Variants in MYH7B observed in about 807,000 individuals in gnomAD.
MYH7B encodes the protein myosin heavy chain 7B, also known as myosin-7B.
Under a neutral mutation model 234.5 loss-of-function variants are expected in MYH7B, and 205 were observed. The observed-to-expected ratio is 0.87, with a 90% confidence interval of 0.78 to 0.98. The LOEUF (loss-of-function observed/expected upper bound fraction) is 0.98. MYH7B is among the 50% of genes least tolerant of loss of function. MYH7B has a pLI of 0.00. For missense variants in MYH7B, 2,652 were observed against 2,633.4 expected (o/e 1.01, Z -0.15); for synonymous variants, 1,193 against 1,105.0 (o/e 1.08, Z -1.58).
chr20:34,989,660 G>T, intron 19 of MYH7B, 80 bp from the exon 20 acceptor site: 1 of 1,401,058 alleles, frequency 7.1e-7, no homozygotes, highest in East Asian at 2.5e-5. Flanking sequence ...CAGAAGGGAG[G>T]TGGCCTGGGG....
At chr20:34,998,994 G>T in intron 35 of MYH7B, 62 bp from the exon 36 acceptor site, 1 of 1,581,290 alleles carries the variant, frequency 6.3e-7, no homozygotes, top group South Asian at 1.2e-5. Context: ...TGGGTGAAGG[G>T]AGCTGCTGGG....
exon 20 of MYH7B, chr20:34,989,846 A>G: frequency 6.2e-7 from 1 of 1,614,110 alleles, no homozygotes; most frequent in Non-Finnish European, 8.5e-7. Flanking sequence ...AAGTCACCCA[A>G]TTTCCAGCAG....
At chr20:35,000,860 G>C in exon 40 of MYH7B, 1 of 1,613,820 alleles carries the variant, frequency 6.2e-7, no homozygotes, top group Non-Finnish European at 8.5e-7. Context: ...AGAGGCGGGA[G>C]GCTGAGGAGA....
intron 1 of MYH7B, among the ~76,000 whole-genome samples, chr20:34,956,465 GTGCCTTCCCTGTTTC>G (rs1011358108): frequency 6.6e-6 from 1 of 152,088 alleles, no homozygotes; most frequent in African/African-American, 2.4e-5. Flanking sequence ...CAGCCCCCAG[GTGCCTTCCCTGTTTC>G]TTCCTTCTGG....
intron 37 of MYH7B, 42 bp from the exon 38 acceptor site, chr20:34,999,749 A>G: frequency 8.2e-7 from 1 of 1,226,692 alleles, no homozygotes; most frequent in Non-Finnish European, 1.1e-6. Context: ...TCCACTGGCC[A>G]TCCCCCCCCC....
At chr20:34,975,007 A>G (rs1240709229) in intron 2 of MYH7B, among the ~76,000 whole-genome samples, 1 of 152,234 alleles carries the variant, frequency 6.6e-6, no homozygotes, top group Non-Finnish European at 1.5e-5. Flanking sequence ...AGGAATACAT[A>G]ATGTAGGATT....
intron 28 of MYH7B, 85 bp from the exon 29 acceptor site, chr20:34,996,261 G>C: frequency 6.9e-7 from 1 of 1,450,854 alleles, no homozygotes; most frequent in Admixed American, 2.5e-5. Context: ...AGCTGGAAGG[G>C]GCACTTGCTC....
intron 2 of MYH7B, among the ~76,000 whole-genome samples, chr20:34,971,074 A>C (rs1487701703): frequency 1.3e-5 from 2 of 152,140 alleles, no homozygotes; most frequent in African/African-American, 4.8e-5. Flanking sequence ...TCTTGGGGGC[A>C]GCCAGTCTGA....
intron 9 of MYH7B, chr20:34,981,486 C>T: frequency 4.7e-6 from 1 of 213,084 alleles, no homozygotes; most frequent in Non-Finnish European, 9.3e-6. Context: ...TTCTTACATG[C>T]CAGGCTCATG....
intron 32 of MYH7B, among the ~76,000 whole-genome samples, chr20:34,998,070 C>G (rs1433345051): frequency 6.6e-6 from 1 of 152,202 alleles, no homozygotes; most frequent in Non-Finnish European, 1.5e-5. Context: ...CAACTCTCAC[C>G]CTGACCCACT....
Position 34,979,379 on chromosome 20 carries a change from C to G in MYH7B, c.92-11C>G, listed in dbSNP as rs753990165. ...CCCCTCTCTGAGTCCAGAGCTCTCT[C>G]TGCAACCCAGGGAAGAAGCGAGTCT... On this transcript the variant is annotated splice_polypyrimidine_tract_variant and intron_variant, in intron 5 of 44. Transcript: ENST00000262873. 5 of 1,607,376 alleles carry G rather than the reference C, an allele frequency of 3.1e-6. No homozygotes were observed. The highest frequency in any genetic ancestry group is 3.4e-6 in the Non-Finnish European group (4 of 1,176,034).
exon 21 of MYH7B, chr20:34,990,127 T>C: frequency 6.2e-7 from 1 of 1,614,138 alleles, no homozygotes; most frequent in Non-Finnish European, 8.5e-7. Flanking sequence ...TCTATGAGAA[T>C]TATGCGGGCT....
At chr20:34,990,549 C>A in intron 22 of MYH7B, 189 bp from the exon 23 acceptor site, 2 of 803,944 alleles carry the variant, frequency 2.5e-6, no homozygotes, top group Non-Finnish European at 4.4e-6. Context: ...GGGGATTTGG[C>A]AGGGAAGTGA....
chr20:34,960,656 T>C (rs1257271378), intron 2 of MYH7B, among the ~76,000 whole-genome samples: 1 of 152,242 alleles, frequency 6.6e-6, no homozygotes, highest in Non-Finnish European at 1.5e-5. Flanking sequence ...TGCCTCATAC[T>C]GTTGTTTATG....
At chr20:35,001,635 C>G in intron 43 of MYH7B, 109 bp downstream of exon 43, 1 of 982,140 alleles carries the variant, frequency 1.0e-6, no homozygotes, top group Non-Finnish European at 1.5e-6. Context: ...GTCAGTGACC[C>G]AGAGGGAAGA....
At chr20:34,989,612 CG>C in intron 19 of MYH7B, 127 bp from the exon 20 acceptor site, 1 of 925,860 alleles carries the variant, frequency 1.1e-6, no homozygotes, top group Non-Finnish European at 1.6e-6. Context: ...TCTGACCATC[CG>C]GGGAGATGGC....
rs754379906 is a variant in MYH7B, at chr20:34,987,865, G to A, written c.1367G>A (p.Arg456Gln). The A allele has an allele frequency of 1.9e-5, 30 of 1,612,016 alleles. No homozygotes were observed. The African/African-American group carries it at 2.1e-4, about 11-fold the overall frequency. Reference sequence around the variant, plus strand: ...CAGACCCTGGACACAAAGCTGCCCCGGCAGTTCTTCATCGGGGTTCTGGAC... The same window carrying A: ...CAGACCCTGGACACAAAGCTGCCCCAGCAGTTCTTCATCGGGGTTCTGGAC... The change falls in exon 18 of 45, where the codon CGG becomes CAG. Residue 456 changes from arginine (R) to glutamine (Q), a missense_variant. Coordinates refer to ENST00000262873, the Ensembl canonical transcript of MYH7B.
chr20:34,982,664 A>T, intron 10 of MYH7B, 109 bp downstream of exon 10: 2 of 963,304 alleles, frequency 2.1e-6, no homozygotes. Flanking sequence ...ACTCCCCAGA[A>T]CCCTGAGCCC....
chr20:34,999,131 G>A, exon 36 of MYH7B: 1 of 1,613,750 alleles, frequency 6.2e-7, no homozygotes, highest in South Asian at 1.1e-5. Flanking sequence ...CATCGTTGGA[G>A]AAGGCCAAGC....
Sources: allele counts gnomAD v4.1 joint callset (sites outside exome capture counted in the v4.1 genomes callset), GRCh38; gene constraint gnomAD v4.1.1; transcripts MANE v1.5; gene names NCBI Gene and HGNC (gene_info 2026-07-23, HGNC 2026-07-21).